The following SGCD variants were observed in gnomAD, a reference collection of about 807,000 sequenced individuals.
SGCD encodes the protein delta-sarcoglycan.
A neutral mutation model predicts 36.6 loss-of-function variants in SGCD; 18 were observed. The observed-to-expected ratio is 0.49, with a 90% CI of 0.34 to 0.73. The LOEUF (loss-of-function observed/expected upper bound fraction) is 0.73. SGCD is among the 30% of genes least tolerant of loss of function. The pLI is 0.01. For synonymous variants in SGCD, 133 were observed against 130.6 expected, an observed-to-expected ratio of 1.02 and a Z score of -0.12; for missense variants, 387 against 346.7, an observed-to-expected ratio of 1.12 and a Z score of -0.92.
At position 156,519,122 on chromosome 5, in the gene SGCD, T is replaced by C. The variant is rs190908755; in HGVS notation, c.294+10420T>C. The stretch of plus-strand genomic sequence containing the variant: ...CTAGACTAATAAGAGAAGAATCAGA[T>C]AGACACAATAAAAAATGATAAAGGG... On this transcript the variant is annotated intron_variant, in intron 4 of 8. Coordinates refer to ENST00000337851, the MANE Select transcript of SGCD (RefSeq NM_000337.6). 4.5e-3 allele frequency among the ~76,000 whole-genome samples: 686 copies of C among 151,330 alleles called. 4 individuals carry two copies. The highest frequency in any genetic ancestry group is 0.014 in the African/African-American group (572 of 41,296).
intron 4 of SGCD, among the ~76,000 whole-genome samples, chr5:156,535,890 A>G (rs1342198554): frequency 6.6e-6 from 1 of 152,208 alleles, no homozygotes; most frequent in Non-Finnish European, 1.5e-5. Context: ...TGAGGTAATT[A>G]AATACTATAT....
chr5:156,264,021 ATTC>A (rs1378353011), intron 3 of SGCD, among the ~76,000 whole-genome samples: 1 of 152,066 alleles, frequency 6.6e-6, no homozygotes, highest in East Asian at 1.9e-4. Context: ...TTTCTGGAGA[ATTC>A]TTCTGGAATG....
intron 3 of SGCD, among the ~76,000 whole-genome samples, chr5:156,285,753 CAT>C (rs1766576215): frequency 6.6e-6 from 1 of 152,166 alleles, no homozygotes; most frequent in African/African-American, 2.4e-5. Context: ...CCATTCAGGA[CAT>C]AGGCATGGGC....
At chr5:155,961,686 A>G (rs574330222) in intron 1 of SGCD, among the ~76,000 whole-genome samples, 7 of 152,200 alleles carry the variant, frequency 4.6e-5, no homozygotes, top group African/African-American at 1.7e-4. Flanking sequence ...GTAAGTAGGA[A>G]AGTAAGGTAT....
At chr5:156,484,377 A>G (rs1755567646) in intron 3 of SGCD, among the ~76,000 whole-genome samples, 3 of 152,230 alleles carry the variant, frequency 2.0e-5, no homozygotes, top group African/African-American at 7.2e-5. Context: ...AGAGGAGGAA[A>G]CTGCAGATAA....
intron 3 of SGCD, among the ~76,000 whole-genome samples, chr5:156,378,998 G>T (rs1003973809): frequency 6.6e-6 from 1 of 152,060 alleles, no homozygotes; most frequent in Non-Finnish European, 1.5e-5. Flanking sequence ...CTAAATGTTT[G>T]CATCTACTTC....
chr5:156,348,670 A>G (rs1769075962), intron 3 of SGCD, among the ~76,000 whole-genome samples: 1 of 152,212 alleles, frequency 6.6e-6, no homozygotes. Context: ...GAAAATGACC[A>G]TAGTGCCCAA....
chr5:156,327,041 G>A (rs1219137806), upstream of SGCD: 1 of 152,490 alleles, frequency 6.6e-6, no homozygotes, highest in East Asian at 1.9e-4. Context: ...TGCTGTTCAG[G>A]AAATTCTTCA....
chr5:156,594,975 A>C lies in SGCD; in HGVS notation c.426A>C (p.Lys142Asn). 1 of 1,612,446 alleles carries C rather than the reference A, an allele frequency of 6.2e-7. No homozygotes were observed. Among genetic ancestry groups the C allele is most frequent in the South Asian group, 1.1e-5 (1 of 90,910 alleles). ...VEAYGKKFEV[K>N]TVSGKLLFSA... ...CTTATGGTAAAAAATTTGAGGTAAA[A>C]ACTGTTTCTGGAAAATTGCTCTTCT... The change falls in exon 6 of 9, where the codon AAA (lysine) becomes AAC (asparagine). Residue 142 changes from lysine to asparagine, a missense_variant. Coordinates refer to ENST00000337851, the MANE Select transcript of SGCD (RefSeq NM_000337.6).
At chr5:156,537,578 G>T (rs528220969) in intron 4 of SGCD, among the ~76,000 whole-genome samples, 20 of 151,806 alleles carry the variant, frequency 1.3e-4, no homozygotes, top group African/African-American at 4.3e-4. Flanking sequence ...ACTAGCGAGG[G>T]TGTTCTTTGA....
At chr5:155,732,797 C>G in the SGCD span, among the ~76,000 whole-genome samples, 2 of 152,152 alleles carry the variant, frequency 1.3e-5, no homozygotes, top group African/African-American at 4.8e-5. Flanking sequence ...CCCAGTTGTT[C>G]CCTCACTCCC....
At chr5:156,284,636 A>G (rs946015529) in intron 3 of SGCD, among the ~76,000 whole-genome samples, 7 of 152,216 alleles carry the variant, frequency 4.6e-5, no homozygotes, top group African/African-American at 1.4e-4. Context: ...TTCATGCTAA[A>G]AACTCTCAAT....
At position 155,965,879 on chromosome 5, in the gene SGCD, G is replaced by A. The variant is rs150171747; in HGVS notation, c.-282+95455G>A. Among the ~76,000 whole-genome samples, 743 of 151,952 alleles carry A rather than the reference G, an allele frequency of 4.9e-3. 7 individuals are homozygous for A. Among genetic ancestry groups the A allele is most frequent in the Non-Finnish European group, 7.8e-3 (531 of 67,940 alleles). ...TGTGTTTATCTTTATTCCTGCGTTC[G>A]TCCCCCTTTGTTCAGTCCAACAGGG... On this transcript the variant is annotated intron_variant, in intron 1 of 9. Transcript: ENST00000517913.
At chr5:156,073,817 A>G (rs150150291) in intron 1 of SGCD, among the ~76,000 whole-genome samples, 19 of 152,328 alleles carry the variant, frequency 1.2e-4, no homozygotes, top group African/African-American at 4.1e-4. Context: ...TTTTCTTCAT[A>G]ACCCATTATT....
intron 3 of SGCD, among the ~76,000 whole-genome samples, chr5:156,493,292 A>G (rs563565103): frequency 3.0e-4 from 46 of 152,272 alleles, no homozygotes; most frequent in Non-Finnish European, 1.0e-4. Flanking sequence ...TGACCATACA[A>G]TAACTTGTTG....
intron 7 of SGCD, among the ~76,000 whole-genome samples, chr5:156,745,584 G>C (rs900183981): frequency 1.3e-5 from 2 of 152,288 alleles, no homozygotes; most frequent in African/African-American, 2.4e-5. Flanking sequence ...ATGAGCAAGA[G>C]AGCAGGCAGG....
At chr5:156,592,552 G>A (rs1365943785) in intron 5 of SGCD, among the ~76,000 whole-genome samples, 2 of 151,822 alleles carry the variant, frequency 1.3e-5, no homozygotes, top group Non-Finnish European at 2.9e-5. Flanking sequence ...TTATTTCCTG[G>A]CTCTTCCAGA....
chr5:156,255,327 G>A (rs1765688650), intron 3 of SGCD, among the ~76,000 whole-genome samples: 1 of 152,140 alleles, frequency 6.6e-6, no homozygotes, highest in Non-Finnish European at 1.5e-5. Flanking sequence ...GGCTCAATTT[G>A]AAAAGTTCTT....
intron 7 of SGCD, among the ~76,000 whole-genome samples, chr5:156,710,522 G>C (rs543370970): frequency 1.3e-5 from 2 of 152,284 alleles, no homozygotes; most frequent in South Asian, 2.1e-4. Flanking sequence ...AAGGTGGTTG[G>C]GTTATGGCTT....
Sources: gnomAD v4.1 joint callset for allele counts (sites outside exome capture counted in the v4.1 genomes callset) on GRCh38, gnomAD v4.1.1 for gene constraint, MANE v1.5 for transcripts, NCBI Gene and HGNC (gene_info 2026-07-23, HGNC 2026-07-21) for gene names.